Variants in SORCS3 observed in about 807,000 individuals in gnomAD.
SORCS3 encodes the protein VPS10 domain-containing receptor SorCS3.
A neutral mutation model predicts 146.3 loss-of-function variants in SORCS3; 57 were observed. That is an observed-to-expected ratio of 0.39 (90% CI 0.31 to 0.49). SORCS3 has a LOEUF of 0.49. Among genes scored for constraint, SORCS3 ranks in the 20% least tolerant of loss-of-function variants. The pLI is 0.92. For missense variants in SORCS3, 1,341 were observed against 1,575.5 expected (o/e 0.85, Z 2.52); for synonymous variants, 653 against 618.5 (o/e 1.06, Z -0.83).
intron 1 of SORCS3, among the ~76,000 whole-genome samples, chr10:104,656,407 A>T (rs912518297): frequency 1.3e-5 from 2 of 152,180 alleles, no homozygotes; most frequent in African/African-American, 2.4e-5. Flanking sequence ...GTGCAATTCT[A>T]GCACTTTGGG....
intron 1 of SORCS3, among the ~76,000 whole-genome samples, chr10:104,798,215 G>T (rs1033227838): frequency 1.3e-5 from 2 of 152,270 alleles, no homozygotes; most frequent in Middle Eastern, 6.8e-3. Flanking sequence ...GCTCTGGGGT[G>T]CCTGGGTGGT....
At chr10:104,752,045 T>C (rs1264665450) in intron 1 of SORCS3, among the ~76,000 whole-genome samples, 2 of 148,058 alleles carry the variant, frequency 1.4e-5, no homozygotes, top group South Asian at 2.2e-4. Flanking sequence ...TTAAAACTTT[T>C]TTTTTTTGAG....
chr10:104,691,818 A>G (rs1476178766), intron 1 of SORCS3, among the ~76,000 whole-genome samples: 1 of 152,044 alleles, frequency 6.6e-6, no homozygotes, highest in East Asian at 1.9e-4. Context: ...ATAGCTCACC[A>G]TAACTTCAAA....
At chr10:105,096,425 T>C (rs2055747202) in intron 6 of SORCS3, among the ~76,000 whole-genome samples, 1 of 152,144 alleles carries the variant, frequency 6.6e-6, no homozygotes, top group Non-Finnish European at 1.5e-5. Flanking sequence ...TGCACTGCAC[T>C]GAGCTGCCGG....
At chr10:104,883,218 G>C (rs140877919) in intron 2 of SORCS3, among the ~76,000 whole-genome samples, 457 of 152,342 alleles carry the variant, frequency 3.0e-3, no homozygotes, top group South Asian at 0.011. Flanking sequence ...CTACAGGAAA[G>C]AGCTGCCTAA....
intron 4 of SORCS3, among the ~76,000 whole-genome samples, chr10:105,007,164 T>A (rs1282741825): frequency 6.6e-6 from 1 of 152,252 alleles, no homozygotes; most frequent in Non-Finnish European, 1.5e-5. Flanking sequence ...CCTGAAGTTC[T>A]ACCTAGTGGT....
At chr10:105,156,148 C>A (rs2056206903) in intron 9 of SORCS3, among the ~76,000 whole-genome samples, 1 of 152,148 alleles carries the variant, frequency 6.6e-6, no homozygotes, top group Non-Finnish European at 1.5e-5. Flanking sequence ...CTGAGTATCA[C>A]CCACAAAACC....
At chr10:104,974,438 A>G (rs2133646299) in intron 3 of SORCS3, among the ~76,000 whole-genome samples, 2 of 152,096 alleles carry the variant, frequency 1.3e-5, no homozygotes, top group South Asian at 2.1e-4. Flanking sequence ...TGATCCCTTT[A>G]CCATTATGTA....
intron 1 of SORCS3, among the ~76,000 whole-genome samples, chr10:104,734,491 A>G (rs1160578265): frequency 6.6e-6 from 1 of 152,268 alleles, no homozygotes; most frequent in South Asian, 2.1e-4. Flanking sequence ...GAGACCAAGT[A>G]TCTGTTTCTC....
At chr10:104,655,915 A>C (rs2015624310) in intron 1 of SORCS3, among the ~76,000 whole-genome samples, 1 of 152,230 alleles carries the variant, frequency 6.6e-6, no homozygotes, top group Non-Finnish European at 1.5e-5. Flanking sequence ...ACCATGAGCC[A>C]ATTAAACTTC....
At chr10:105,249,893 AAAAGAAAAAAC>A (rs1319070336) in intron 22 of SORCS3, among the ~76,000 whole-genome samples, 5 of 152,062 alleles carry the variant, frequency 3.3e-5, no homozygotes, top group Non-Finnish European at 2.9e-5. Flanking sequence ...AAAAAAACCA[AAAAGAAAAAAC>A]AAAGAAAAAA....
intron 2 of SORCS3, among the ~76,000 whole-genome samples, chr10:104,868,978 A>G (rs1420279645): frequency 6.6e-6 from 1 of 152,118 alleles, no homozygotes; most frequent in Non-Finnish European, 1.5e-5. Context: ...CACTACTGGG[A>G]AGCATCATTT....
intron 8 of SORCS3, among the ~76,000 whole-genome samples, chr10:105,147,062 A>G (rs1200221603): frequency 6.6e-6 from 1 of 152,034 alleles, no homozygotes; most frequent in Non-Finnish European, 1.5e-5. Context: ...AAAATATTAC[A>G]CAGAATTCCA....
intron 2 of SORCS3, among the ~76,000 whole-genome samples, chr10:104,864,808 A>G (rs1236974362): frequency 1.3e-5 from 2 of 152,166 alleles, no homozygotes; most frequent in African/African-American, 2.4e-5. Flanking sequence ...TGTTCTTTCA[A>G]TCTCTAGAAC....
intron 4 of SORCS3, among the ~76,000 whole-genome samples, chr10:105,016,157 T>TATATATATATATATATATA (rs369013613): frequency 5.2e-5 from 3 of 57,938 alleles, no homozygotes; most frequent in African/African-American, 2.6e-4. Flanking sequence ...ATATATATAT[T>TATATATATATATATATATA]TTTTTTTTTT....
At chr10:104,724,812 G>A (rs1467184841) in intron 1 of SORCS3, among the ~76,000 whole-genome samples, 1 of 152,146 alleles carries the variant, frequency 6.6e-6, no homozygotes, top group Non-Finnish European at 1.5e-5. Flanking sequence ...CTCGTGCTGT[G>A]GTTTTCAGCT....
intron 20 of SORCS3, among the ~76,000 whole-genome samples, chr10:105,243,094 C>A (rs1309404530): frequency 8.2e-6 from 1 of 121,616 alleles, no homozygotes; most frequent in Non-Finnish European, 1.8e-5. Context: ...TTTAGCCATT[C>A]TGTTGGGTGT....
At chr10:105,218,318 G>A (rs747025121) in intron 19 of SORCS3, among the ~76,000 whole-genome samples, 5 of 152,262 alleles carry the variant, frequency 3.3e-5, no homozygotes, top group East Asian at 1.9e-4. Context: ...ACCTTGCCTC[G>A]TGGGGCTTTT....
intron 1 of SORCS3, among the ~76,000 whole-genome samples, chr10:104,717,047 G>A (rs1258792984): frequency 1.3e-5 from 2 of 152,174 alleles, no homozygotes; most frequent in Non-Finnish European, 2.9e-5. Context: ...TCCCGCCTTT[G>A]GAAGGCCAAG....
Sources: gnomAD v4.1 joint callset for allele counts (sites outside exome capture counted in the v4.1 genomes callset) on GRCh38, gnomAD v4.1.1 for gene constraint, MANE v1.5 for transcripts, NCBI Gene and HGNC (gene_info 2026-07-23, HGNC 2026-07-21) for gene names.